LIMS1: variants seen among roughly 807,000 people sequenced by gnomAD.
The protein encoded by LIMS1 is LIM and senescent cell antigen-like-containing domain protein 1.
In LIMS1, 18 loss-of-function variants were observed where a neutral mutation model predicts 44.1. That is an observed-to-expected ratio of 0.41 (90% CI 0.28 to 0.61). The LOEUF (loss-of-function observed/expected upper bound fraction) is 0.61, where lower values mean the gene tolerates loss of function less well. Ranked by LOEUF, LIMS1 falls within the 20% of genes least tolerant of loss-of-function variation. The pLI is 0.32. For synonymous variants in LIMS1, 93 were observed against 149.1 expected (o/e 0.62, Z 2.74); for missense variants, 201 against 422.0 (o/e 0.48, Z 4.59).
At chr2:108,601,464 C>T (rs1010359784) in intron 1 of LIMS1, among the ~76,000 whole-genome samples, 6 of 152,108 alleles carry the variant, frequency 3.9e-5, no homozygotes, top group African/African-American at 1.4e-4. Context: ...GCTTAAGGAA[C>T]ACAAAAAGGT....
intron 1 of LIMS1, among the ~76,000 whole-genome samples, chr2:108,575,417 G>T (rs747768969): frequency 6.6e-6 from 1 of 152,208 alleles, no homozygotes; most frequent in Non-Finnish European, 1.5e-5. Context: ...TGCCCTTACG[G>T]CTCACAGAGC....
intron 2 of LIMS1, among the ~76,000 whole-genome samples, chr2:108,668,121 A>G (rs374947478): frequency 6.6e-6 from 1 of 152,188 alleles, no homozygotes; most frequent in East Asian, 1.9e-4. Context: ...ATGTTTCAAT[A>G]CATGTATACA....
chr2:108,552,590 G>GTGTGTGTGTATGTA (rs1684793941), intron 1 of LIMS1, among the ~76,000 whole-genome samples: 1 of 101,010 alleles, frequency 9.9e-6, no homozygotes, highest in African/African-American at 3.8e-5. Context: ...TTTTGGGTGT[G>GTGTGTGTGTATGTA]TGTGTGTGTG....
intron 1 of LIMS1, among the ~76,000 whole-genome samples, chr2:108,571,445 T>C (rs922910688): frequency 6.6e-6 from 1 of 152,222 alleles, no homozygotes. Flanking sequence ...CACAGTCCAC[T>C]ACTGTTCCCA....
intron 1 of LIMS1, among the ~76,000 whole-genome samples, chr2:108,608,057 C>T (rs1168891064): frequency 6.6e-6 from 1 of 152,196 alleles, no homozygotes; most frequent in Admixed American, 6.5e-5. Context: ...CTACCACCCA[C>T]CTCAAGAAAT....
intron 1 of LIMS1, among the ~76,000 whole-genome samples, chr2:108,647,932 C>G (rs1018801713): frequency 6.6e-6 from 1 of 152,166 alleles, no homozygotes; most frequent in African/African-American, 2.4e-5. Flanking sequence ...TCTTACCACT[C>G]CTATTCAACA....
At chr2:108,603,254 G>A (rs968850982) in intron 1 of LIMS1, among the ~76,000 whole-genome samples, 5 of 152,122 alleles carry the variant, frequency 3.3e-5, no homozygotes, top group African/African-American at 4.8e-5. Context: ...CAGTGAAGCC[G>A]TCAGGTCCTG....
At chr2:108,580,242 C>G (rs544557070) in intron 1 of LIMS1, among the ~76,000 whole-genome samples, 3 of 152,288 alleles carry the variant, frequency 2.0e-5, no homozygotes, top group East Asian at 1.9e-4. Context: ...TCTGAGTTGA[C>G]TTCCTCTAAC....
At chr2:108,635,016 A>G (rs1256823405) in intron 1 of LIMS1, among the ~76,000 whole-genome samples, 3 of 152,160 alleles carry the variant, frequency 2.0e-5, no homozygotes, top group Admixed American at 6.5e-5. Context: ...GCCCCCAGAC[A>G]TGTCACTGGG....
At chr2:108,604,509 C>T (rs983418251) in intron 1 of LIMS1, among the ~76,000 whole-genome samples, 25 of 152,252 alleles carry the variant, frequency 1.6e-4, no homozygotes, top group Non-Finnish European at 2.8e-4. Context: ...AAATTTTAGA[C>T]GGTTACTGCA....
At chr2:108,562,113 A>G (rs1484032954) in intron 1 of LIMS1, among the ~76,000 whole-genome samples, 1 of 152,172 alleles carries the variant, frequency 6.6e-6, no homozygotes, top group Non-Finnish European at 1.5e-5. Flanking sequence ...CAAATAAGAT[A>G]TCACACTCAA....
intron 1 of LIMS1, among the ~76,000 whole-genome samples, chr2:108,591,798 TTTG>T (rs199682819): frequency 0.061 from 3,326 of 54,452 alleles, 61 homozygotes; most frequent in East Asian, 0.13. Flanking sequence ...AGTTTTTTTT[TTTG>T]TTTTTTTTTT....
rs776804156 is a variant in LIMS1 at position 108,683,866 on chromosome 2, T to A, written c.900-19T>A. The A allele has an allele frequency of 2.2e-5, 29 of 1,330,428 alleles. No homozygotes were observed. The highest frequency in any genetic ancestry group is 2.8e-5 in the Non-Finnish European group (27 of 954,376). The allele number at this position is 1,330,428 out of a possible 1,614,324, so 82.4% of individuals were successfully genotyped here. A position where few individuals can be genotyped will look rare whatever the true frequency, so the allele number is the denominator to read the frequency against. ...ATGTTTCCACTAACTTCTTTTTTTT[T>A]ATAATTTTTTGTCTTTAGGAATAAG... On this transcript the variant is annotated intron_variant, in intron 9 of 9. Transcript: ENST00000544547.
chr2:108,616,126 G>C (rs1391910746), intron 1 of LIMS1, among the ~76,000 whole-genome samples: 1 of 148,698 alleles, frequency 6.7e-6, no homozygotes, highest in South Asian at 2.1e-4. Context: ...ATTGAAGACT[G>C]TTGATGGCCC....
At chr2:108,672,101 A>C (rs1211851961) in intron 3 of LIMS1, among the ~76,000 whole-genome samples, 2 of 143,030 alleles carry the variant, frequency 1.4e-5, no homozygotes, top group East Asian at 4.4e-4. Flanking sequence ...CGGGAGGCAG[A>C]GGTTGCAGTG....
At chr2:108,683,993 G>A (rs1693179819) in exon 10 of LIMS1, 2 of 1,511,262 alleles carry the variant, frequency 1.3e-6, no homozygotes, top group Non-Finnish European at 1.8e-6. Context: ...CCTTAGGAAG[G>A]AAATAAGTTC....
In LIMS1 at chr2:108,557,663, C is replaced by T. The variant is rs1191030045; in HGVS notation, c.32+23069C>T. Among the ~76,000 whole-genome samples, 5 of 151,390 alleles carry T rather than the reference C, an allele frequency of 3.3e-5. No individual in the cohort carries two copies. The East Asian group carries it at 7.8e-4, about 24-fold the overall frequency. ...TCCCTAGTAGCTGGGACTACAGGTA[C>T]GTGCCACCACGCCCAGCTAATTTTT... On this transcript the variant is annotated intron_variant, in intron 1 of 9. Transcript: ENST00000544547.
chr2:108,680,254 C>A (rs371273982), intron 8 of LIMS1, among the ~76,000 whole-genome samples: 2 of 151,082 alleles, frequency 1.3e-5, no homozygotes, highest in Non-Finnish European at 2.9e-5. Context: ...GTAGTCCCAG[C>A]TACTTGGGAA....
At chr2:108,590,636 G>A (rs1030274823) in intron 1 of LIMS1, among the ~76,000 whole-genome samples, 2 of 152,236 alleles carry the variant, frequency 1.3e-5, no homozygotes, top group African/African-American at 4.8e-5. Context: ...TTTGAGTTGG[G>A]CTTTGAAGAA....
Sources: gnomAD v4.1 joint callset for allele counts (sites outside exome capture counted in the v4.1 genomes callset) on GRCh38, gnomAD v4.1.1 for gene constraint, MANE v1.5 for transcripts, NCBI Gene and HGNC (gene_info 2026-07-23, HGNC 2026-07-21) for gene names.